The following ADGRB3 variants were observed in gnomAD, a reference collection of about 807,000 sequenced individuals.
The protein encoded by ADGRB3 is brain-specific angiogenesis inhibitor 3.
Under a neutral mutation model 193.4 loss-of-function variants are expected in ADGRB3, and 37 were observed. That is an observed-to-expected ratio of 0.19 (90% confidence interval 0.15 to 0.25). ADGRB3 has a LOEUF of 0.25. ADGRB3 is among the 10% of genes least tolerant of loss of function. The probability of loss-of-function intolerance (pLI) is 1.00; values close to 1 mark genes in which losing one functional copy is unlikely to be tolerated. For synonymous variants in ADGRB3, 690 were observed against 644.2 expected (o/e 1.07, Z -1.08); for missense variants, 1,637 against 1,852.9 (o/e 0.88, Z 2.14).
chr6:68,662,097 AATG>A (rs1768676645), intron 3 of ADGRB3, among the ~76,000 whole-genome samples: 1 of 151,532 alleles, frequency 6.6e-6, no homozygotes, highest in Admixed American at 6.6e-5. Flanking sequence ...ATGGTGCAGA[AATG>A]ATGAGTGTGA....
chr6:69,038,751 A>G (rs1770946599), intron 13 of ADGRB3, among the ~76,000 whole-genome samples: 1 of 152,220 alleles, frequency 6.6e-6, no homozygotes, highest in Admixed American at 6.5e-5. Flanking sequence ...AGATAACAAA[A>G]TAAGTGACAA....
At chr6:69,296,849 CT>C (rs1249791812) in intron 20 of ADGRB3, among the ~76,000 whole-genome samples, 3 of 152,108 alleles carry the variant, frequency 2.0e-5, no homozygotes, top group African/African-American at 7.2e-5. Context: ...CATGACATAT[CT>C]CATTCCATAC....
intron 6 of ADGRB3, among the ~76,000 whole-genome samples, chr6:68,950,835 C>T (rs576126914): frequency 5.3e-5 from 8 of 152,076 alleles, no homozygotes; most frequent in South Asian, 4.2e-4. Flanking sequence ...TTTCACAGTA[C>T]GCATTCTTGC....
At chr6:68,820,833 G>A (rs1767735690) in intron 3 of ADGRB3, among the ~76,000 whole-genome samples, 1 of 152,024 alleles carries the variant, frequency 6.6e-6, no homozygotes, top group Non-Finnish European at 1.5e-5. Context: ...TGGATACTGA[G>A]AATAGAATAG....
intron 12 of ADGRB3, 52 bp from the exon 13 acceptor site, chr6:69,018,339 C>T: frequency 3.5e-6 from 4 of 1,157,280 alleles, no homozygotes; most frequent in Admixed American, 2.1e-5. Flanking sequence ...GTTATATATG[C>T]CATTGTATGT....
intron 13 of ADGRB3, among the ~76,000 whole-genome samples, chr6:69,032,559 G>T (rs1213891123): frequency 6.6e-6 from 1 of 152,104 alleles, no homozygotes; most frequent in Non-Finnish European, 1.5e-5. Flanking sequence ...AAGAGGTATT[G>T]ACTCCCTTTA....
chr6:68,981,929 G>A (rs1340616473), intron 10 of ADGRB3, among the ~76,000 whole-genome samples: 1 of 143,318 alleles, frequency 7.0e-6, no homozygotes, highest in Non-Finnish European at 1.6e-5. Flanking sequence ...CCAGGCTAGA[G>A]TGCAATGGTG....
At chr6:69,233,919 AT>A (rs1766206189) in intron 18 of ADGRB3, among the ~76,000 whole-genome samples, 1 of 152,348 alleles carries the variant, frequency 6.6e-6, no homozygotes, top group South Asian at 2.1e-4. Context: ...TTGTGAAAGC[AT>A]GGCTGTCAGG....
At chr6:69,188,163 A>G (rs1473028168) in intron 17 of ADGRB3, among the ~76,000 whole-genome samples, 1 of 152,172 alleles carries the variant, frequency 6.6e-6, no homozygotes, top group African/African-American at 2.4e-5. Context: ...TCATAAAATT[A>G]ATCATTCCAA....
chr6:68,913,630 G>C (rs1448466078), intron 3 of ADGRB3, among the ~76,000 whole-genome samples: 1 of 152,190 alleles, frequency 6.6e-6, no homozygotes, highest in African/African-American at 2.4e-5. Context: ...CTAAAAATCA[G>C]AGTGCCTCTC....
rs573402773 is a variant in ADGRB3, at chr6:69,031,058, TCTC to T, written c.2107+12560_2107+12562del. Among the ~76,000 whole-genome samples the T allele has an allele frequency of 2.2e-3, 71 of 32,008 alleles. 6 individuals carry two copies. Among genetic ancestry groups the T allele is most frequent in the Admixed American group, 3.8e-3 (16 of 4,206 alleles). 21.0% of individuals were successfully genotyped at this position (32,008 alleles called of 152,430 possible). On this transcript the variant is annotated intron_variant, in intron 13 of 31. Coordinates refer to ENST00000370598, the MANE Select transcript of ADGRB3 (RefSeq NM_001704.3). ...TCTTCTCTCTTCTCTTCTCTTCTCT[TCTC>T]TTCTCTTCTCTTCTCTTCTCTTCTC...
At chr6:68,663,273 T>C (rs1407162377) in intron 3 of ADGRB3, among the ~76,000 whole-genome samples, 1 of 151,594 alleles carries the variant, frequency 6.6e-6, no homozygotes, top group Admixed American at 6.6e-5. Flanking sequence ...ATTAGACCCA[T>C]TTTGAAAAGT....
At chr6:68,888,765 A>T (rs1299476585) in intron 3 of ADGRB3, among the ~76,000 whole-genome samples, 1 of 152,182 alleles carries the variant, frequency 6.6e-6, no homozygotes, top group Non-Finnish European at 1.5e-5. Context: ...ACATTTAAGT[A>T]TGGTCCTGGG....
intron 3 of ADGRB3, among the ~76,000 whole-genome samples, chr6:68,888,043 T>G (rs1053315823): frequency 1.3e-5 from 2 of 152,140 alleles, no homozygotes; most frequent in Admixed American, 1.3e-4. Context: ...GTACAAAATC[T>G]TAGTTACTTA....
intron 3 of ADGRB3, among the ~76,000 whole-genome samples, chr6:68,850,411 C>T (rs934582862): frequency 1.3e-5 from 2 of 151,834 alleles, no homozygotes; most frequent in Admixed American, 1.3e-4. Context: ...AGGGTGCAGA[C>T]GTTGTTTTAT....
At chr6:69,072,747 A>G (rs941482634) in intron 16 of ADGRB3, among the ~76,000 whole-genome samples, 1 of 152,186 alleles carries the variant, frequency 6.6e-6, no homozygotes, top group South Asian at 2.1e-4. Context: ...CTTCACTGTG[A>G]TGTTACAAGG....
chr6:69,127,421 CCTTT>C (rs1466114790), intron 17 of ADGRB3, among the ~76,000 whole-genome samples: 1 of 152,158 alleles, frequency 6.6e-6, no homozygotes, highest in African/African-American at 2.4e-5. Context: ...TGCTTATTGT[CCTTT>C]CTTTAATCAC....
intron 3 of ADGRB3, among the ~76,000 whole-genome samples, chr6:68,752,943 A>G (rs534700009): frequency 3.3e-5 from 5 of 152,244 alleles, no homozygotes; most frequent in Admixed American, 3.3e-4. Flanking sequence ...TCATTAAGAG[A>G]TGGCTGAGGG....
intron 11 of ADGRB3, among the ~76,000 whole-genome samples, chr6:68,995,123 G>A (rs1769347267): frequency 6.6e-6 from 1 of 152,172 alleles, no homozygotes; most frequent in African/African-American, 2.4e-5. Flanking sequence ...ATTGCCTGGA[G>A]TGGATGGAAG....
Sources: gnomAD v4.1 joint callset for allele counts (sites outside exome capture counted in the v4.1 genomes callset) on GRCh38, gnomAD v4.1.1 for gene constraint, MANE v1.5 for transcripts, NCBI Gene and HGNC (gene_info 2026-07-23, HGNC 2026-07-21) for gene names.